COPB2: variants seen among roughly 807,000 people sequenced by gnomAD.
The protein encoded by COPB2 is coatomer subunit beta'.
COPB2 carries 16 observed loss-of-function variants against 120.8 expected under a neutral mutation model. The ratio of observed to expected loss-of-function variants is 0.13; its 90% CI spans 0.09 to 0.20. COPB2 has a LOEUF of 0.20. Ranked by LOEUF, COPB2 falls within the 10% of genes least tolerant of loss-of-function variation. The pLI is 1.00. For synonymous variants in COPB2, 332 were observed against 366.3 expected (o/e 0.91, Z 1.07); for missense variants, 794 against 1,076.5 (o/e 0.74, Z 3.67).
rs1941584048 is a variant in COPB2 at position 139,369,499 on chromosome 3, G to A, written c.1251C>T (p.Asn417=). 4.3e-6 allele frequency: 7 copies of A among 1,611,698 alleles called. No individual in the cohort carries two copies. The highest frequency in any genetic ancestry group is 5.9e-6 in the Non-Finnish European group (7 of 1,178,910). Residue 417 remains asparagine (N), a synonymous_variant, in exon 11 of 22, where the codon AAC becomes AAT. Transcript: ENST00000333188. ...GTTTAAATGATTTTTTTTCCTTAAAGTTCTTAAATATCTTTACAATGCTGT... is the reference window on the plus strand; with the variant it reads ...GTTTAAATGATTTTTTTTCCTTAAAATTCTTAAATATCTTTACAATGCTGT... ...ESNSIVKIFK[N]FKEKKSFKPD... is the part of the protein sequence containing the mutation.
chr3:139,389,072 A>C (rs1941995935), intron 1 of COPB2, among the ~76,000 whole-genome samples: 1 of 152,194 alleles, frequency 6.6e-6, no homozygotes, highest in South Asian at 2.1e-4. Context: ...AAAGCATTTG[A>C]AATTCCATTT....
Position 139,371,786 on chromosome 3 carries a change from A to ATTGCTGTGT in COPB2, c.1133_1141dup (p.Ala380_Met381insAsnThrAla). On this transcript the variant is annotated inframe_insertion, in exon 10 of 22. Transcript: ENST00000333188. ...TCCAAAGCTCTTGTTTCTCAATGCC[A>ATTGCTGTGT]TTGCTGTGTAGATGATATACTCCCC... The ATTGCTGTGT allele has an allele frequency of 6.2e-7, 1 of 1,613,982 alleles. No homozygotes were observed. Among genetic ancestry groups the ATTGCTGTGT allele is most frequent in the Non-Finnish European group, 8.5e-7 (1 of 1,179,912 alleles).
Position 139,357,766 on chromosome 3 carries a change from G to GAAGT in COPB2, c.*93_*96dup. 1.8e-6 allele frequency: 1 copy of GAAGT among 561,242 alleles called. No individual in the cohort carries two copies. Among genetic ancestry groups the GAAGT allele is most frequent in the Non-Finnish European group, 3.0e-6 (1 of 332,032 alleles). 34.8% of individuals were successfully genotyped at this position (561,242 alleles called of 1,614,324 possible). A position where few individuals can be genotyped will look rare whatever the true frequency, so the allele number is the denominator to read the frequency against. On this transcript the variant is annotated 3_prime_UTR_variant, in exon 22 of 22. Coordinates refer to ENST00000333188, the MANE Select transcript of COPB2 (RefSeq NM_004766.3). ...ACAGCATTTACATATAAAAATCTAAGAAGTTTCTCATAGTCCAAAGCACTG... is the reference window on the plus strand; with the variant it reads ...ACAGCATTTACATATAAAAATCTAAGAAGTAAGTTTCTCATAGTCCAAAGCACTG...
chr3:139,383,103 C>T, intron 2 of COPB2, 195 bp downstream of exon 2: 2 of 639,808 alleles, frequency 3.1e-6, no homozygotes, highest in Non-Finnish European at 5.4e-6. Flanking sequence ...TTGTATATAA[C>T]ATACCCAGGA....
intron 9 of COPB2, 32 bp from the exon 10 acceptor site, chr3:139,371,865 C>G (rs1297491375): frequency 1.3e-6 from 2 of 1,549,174 alleles, no homozygotes; most frequent in South Asian, 2.2e-5. Context: ...GAGGGAAGTA[C>G]AGAGGACCAA....
At chr3:139,376,197 C>G (rs1438104707) in intron 5 of COPB2, among the ~76,000 whole-genome samples, 1 of 152,186 alleles carries the variant, frequency 6.6e-6, no homozygotes, top group Admixed American at 6.5e-5. Flanking sequence ...TTTGAGGTTA[C>G]AGTGAGCTGT....
intron 5 of COPB2, among the ~76,000 whole-genome samples, chr3:139,376,542 A>G (rs1196290103): frequency 1.3e-5 from 2 of 152,222 alleles, no homozygotes; most frequent in Admixed American, 6.5e-5. Context: ...AAAGTTTACA[A>G]CTAATTTCAA....
chr3:139,369,627 T>A, intron 10 of COPB2, 83 bp from the exon 11 acceptor site: 1 of 863,822 alleles, frequency 1.2e-6, no homozygotes, highest in Non-Finnish European at 1.8e-6. Context: ...TCTTCAAATA[T>A]TTTTCAGTAA....
intron 7 of COPB2, 161 bp downstream of exon 7, chr3:139,374,326 GAT>G: frequency 1.7e-6 from 1 of 573,718 alleles, no homozygotes; most frequent in South Asian, 2.3e-5. Flanking sequence ...TGATGATGAT[GAT>G]GAAAATAATG....
At chr3:139,369,602 C>G (rs1421115804) in intron 10 of COPB2, 58 bp from the exon 11 acceptor site, 2 of 1,031,424 alleles carry the variant, frequency 1.9e-6, no homozygotes, top group Non-Finnish European at 2.9e-6. Flanking sequence ...ATAGTTCTAC[C>G]AAATGTTGGA....
At chr3:139,373,179 C>A in intron 9 of COPB2, 34 bp downstream of exon 9, 1 of 1,605,900 alleles carries the variant, frequency 6.2e-7, no homozygotes, top group Non-Finnish European at 8.5e-7. Flanking sequence ...CTAACATACA[C>A]AGAAGCTGAG....
In COPB2 at chr3:139,357,721, C is replaced by T; in HGVS notation, c.*142G>A. 1 of 489,624 alleles carries T rather than the reference C, an allele frequency of 2.0e-6. No homozygotes were observed. The highest frequency in any genetic ancestry group is 3.6e-6 in the Non-Finnish European group (1 of 279,508). The allele number at this position is 489,624 out of a possible 1,614,324, so 30.3% of individuals were successfully genotyped here. A position where few individuals can be genotyped will look rare whatever the true frequency, so the allele number is the denominator to read the frequency against. On this transcript the variant is annotated 3_prime_UTR_variant, in exon 22 of 22. Transcript: ENST00000333188. ...TAAACTCTTCTTAAGATGATGTGGGCATTGTGCTCCCAGTGGTCCACAGCA... is the reference window on the plus strand; with the variant it reads ...TAAACTCTTCTTAAGATGATGTGGGTATTGTGCTCCCAGTGGTCCACAGCA...
intron 6 of COPB2, 74 bp from the exon 7 acceptor site, chr3:139,374,662 G>T: frequency 8.7e-7 from 1 of 1,147,864 alleles, no homozygotes; most frequent in Non-Finnish European, 1.3e-6. Context: ...TTTTCTCAGT[G>T]TACAGATACA....
At chr3:139,364,448 G>T (rs75051522) in intron 15 of COPB2, among the ~76,000 whole-genome samples, 2,323 of 152,232 alleles carry the variant, frequency 0.015, 65 homozygotes, top group African/African-American at 0.054. Context: ...GAAGACAGGA[G>T]ATTATGAAAA....
chr3:139,358,754 G>C lies in COPB2; in HGVS notation c.2543C>G (p.Thr848Arg). The change falls in exon 20 of 22, where the codon ACA becomes AGA. Residue 848 changes from threonine to arginine, a missense_variant. This residue lies in a region of COPB2 where 178 missense variants were observed against 183.2 expected (regional missense o/e 0.97). Coordinates refer to ENST00000333188, the MANE Select transcript of COPB2 (RefSeq NM_004766.3). ...AAGTGCTCTACTGACCTGTTGAGCT[G>C]TAGATCTTGAGGGCTGAAAGTCTTT... The part of the protein sequence containing the change: ...EGKDFQPSRS[T>R]AQQELDGKPA... The C allele has an allele frequency of 6.2e-7, 1 of 1,610,654 alleles. No homozygotes were observed. Among genetic ancestry groups the C allele is most frequent in the African/African-American group, 1.3e-5 (1 of 74,876 alleles).
At position 139,358,980 on chromosome 3, in the gene COPB2, G is replaced by C. The variant is rs780459664; in HGVS notation, c.2484+18C>G. The C allele has an allele frequency of 1.2e-6, 2 of 1,607,290 alleles. No individual in the cohort carries two copies. The highest frequency in any genetic ancestry group is 2.7e-5 in the African/African-American group (2 of 74,406). ...CCTGTAGTTACAATAAATGAAGCTT[G>C]ACATCCTGGCCACTCACCGTGACAA... is the stretch of plus-strand genomic sequence containing the variant. On this transcript the variant is annotated intron_variant, in intron 19 of 21. Coordinates refer to ENST00000333188, the MANE Select transcript of COPB2 (RefSeq NM_004766.3).
chr3:139,370,301 GCAGCATATA>G (rs1297179705), intron 10 of COPB2, among the ~76,000 whole-genome samples: 1 of 152,138 alleles, frequency 6.6e-6, no homozygotes, highest in East Asian at 1.9e-4. Context: ...TAAGAGGTGG[GCAGCATATA>G]CAATGTGGAT....
Position 139,358,454 on chromosome 3 carries a change from G to A in COPB2, c.2554-183C>T, listed in dbSNP as rs138714098. 3 of 620,144 alleles carry A rather than the reference G, an allele frequency of 4.8e-6. No individual in the cohort carries two copies. The East Asian group carries it at 8.3e-5, about 17-fold the overall frequency. The allele number at this position is 620,144 out of a possible 1,614,324, so 38.4% of individuals were successfully genotyped here. A position where few individuals can be genotyped will look rare whatever the true frequency, so the allele number is the denominator to read the frequency against. On this transcript the variant is annotated intron_variant, in intron 20 of 21. Transcript: ENST00000333188. ...AGCACTTTGGGAGGCCGAAGCAGGT[G>A]GATCATGAGGTCAGGAGATCGAGAC...
intron 2 of COPB2, chr3:139,382,922 T>C (rs577841890): frequency 4.4e-6 from 1 of 224,728 alleles, no homozygotes; most frequent in South Asian, 6.1e-5. Flanking sequence ...ATCATTATAT[T>C]GGGCATCTGG....
Sources: gnomAD v4.1 joint callset for allele counts (sites outside exome capture counted in the v4.1 genomes callset) on GRCh38, gnomAD v4.1.1 for gene constraint, gnomAD v4.1.1 regional missense constraint, MANE v1.5 for transcripts, NCBI Gene and HGNC (gene_info 2026-07-23, HGNC 2026-07-21) for gene names.